The following PROCR variants were observed in gnomAD, a reference collection of about 807,000 sequenced individuals.
PROCR encodes the protein endothelial protein C receptor.
PROCR carries 22 observed loss-of-function variants against 24.2 expected under a neutral mutation model. The ratio of observed to expected loss-of-function variants is 0.91; its 90% CI spans 0.65 to 1.30. The LOEUF (loss-of-function observed/expected upper bound fraction) is 1.30, where lower values mean the gene tolerates loss of function less well. PROCR is among the 50% of genes most tolerant of loss of function. PROCR has a pLI of 0.00. For missense variants in PROCR, 288 were observed against 307.7 expected (o/e 0.94, Z 0.48); for synonymous variants, 137 against 139.2 (o/e 0.98, Z 0.11).
At chr20:35,176,481 G>A in intron 3 of PROCR, 35 bp downstream of exon 3, 1 of 1,610,178 alleles carries the variant, frequency 6.2e-7, no homozygotes, top group Non-Finnish European at 8.5e-7. Flanking sequence ...TGCAAGCTGG[G>A]GAGAGGGCGG....
chr20:35,189,343 T>G (rs562314208), intron 1 of PROCR, among the ~76,000 whole-genome samples: 1 of 152,336 alleles, frequency 6.6e-6, no homozygotes, highest in South Asian at 2.1e-4. Context: ...AAACACACCC[T>G]GGTCTCCTGC....
chr20:35,204,397 CTT>C (rs2060330221), intron 1 of PROCR, among the ~76,000 whole-genome samples: 1 of 136,892 alleles, frequency 7.3e-6, no homozygotes, highest in African/African-American at 2.7e-5. Context: ...TCCTTCCTTC[CTT>C]CTCTCTTTTC....
chr20:35,180,829 A>G (rs1406239389), downstream of PROCR, among the ~76,000 whole-genome samples: 1 of 151,814 alleles, frequency 6.6e-6, no homozygotes, highest in Non-Finnish European at 1.5e-5. Context: ...TTGTGTCATT[A>G]TTCCGTTTTT....
intron 1 of PROCR, among the ~76,000 whole-genome samples, chr20:35,186,803 A>G (rs2086131569): frequency 6.6e-6 from 1 of 151,418 alleles, no homozygotes; most frequent in Admixed American, 6.6e-5. Flanking sequence ...AAGTACAAAA[A>G]AGAGCTGGGC....
At chr20:35,200,839 G>A (rs879299568) in intron 1 of PROCR, among the ~76,000 whole-genome samples, 1 of 151,986 alleles carries the variant, frequency 6.6e-6, no homozygotes, top group Non-Finnish European at 1.5e-5. Context: ...GTAGAGACGG[G>A]GTTTCACCAT....
intron 1 of PROCR, among the ~76,000 whole-genome samples, chr20:35,191,352 T>C (rs1044492655): frequency 1.3e-5 from 2 of 152,238 alleles, no homozygotes; most frequent in Non-Finnish European, 2.9e-5. Context: ...GAGTGACTTC[T>C]ATGGTTCAGA....
chr20:35,207,536 T>TGTTTTGTTTC (rs2060347086), intron 1 of PROCR, among the ~76,000 whole-genome samples: 1 of 151,930 alleles, frequency 6.6e-6, no homozygotes, highest in Non-Finnish European at 1.5e-5. Flanking sequence ...TGTTTTGTTT[T>TGTTTTGTTTC]GTTTTTTTCT....
At chr20:35,186,422 C>T (rs906038255) in intron 1 of PROCR, among the ~76,000 whole-genome samples, 1 of 151,456 alleles carries the variant, frequency 6.6e-6, no homozygotes, top group African/African-American at 2.4e-5. Flanking sequence ...GAAAATTAGC[C>T]GGGCATGGTA....
intron 1 of PROCR, among the ~76,000 whole-genome samples, chr20:35,182,538 T>A (rs1399719252): frequency 6.6e-6 from 1 of 152,238 alleles, no homozygotes; most frequent in East Asian, 1.9e-4. Flanking sequence ...AGGCTTTATG[T>A]TATGTACTTT....
chr20:35,207,750 G>C (rs1476086462), intron 1 of PROCR, among the ~76,000 whole-genome samples: 2 of 151,934 alleles, frequency 1.3e-5, no homozygotes, highest in African/African-American at 4.8e-5. Context: ...GGCTGGTCTC[G>C]AACTCCTGAC....
chr20:35,211,294 A>T (rs866675797), intron 1 of PROCR, among the ~76,000 whole-genome samples: 8 of 152,270 alleles, frequency 5.3e-5, no homozygotes, highest in African/African-American at 1.9e-4. Flanking sequence ...GGCCCTAATG[A>T]GATTGCACCT....
intron 1 of PROCR, among the ~76,000 whole-genome samples, chr20:35,197,810 AG>A (rs1430311047): frequency 1.4e-5 from 2 of 143,732 alleles, no homozygotes; most frequent in African/African-American, 5.1e-5. Context: ...GGACAGAGCA[AG>A]ACTCCGTCTC....
At chr20:35,200,059 T>C (rs973032499) in intron 1 of PROCR, among the ~76,000 whole-genome samples, 4 of 152,244 alleles carry the variant, frequency 2.6e-5, no homozygotes, top group Admixed American at 2.6e-4. Flanking sequence ...CTGAATTCTG[T>C]AATCTCATGA....
intron 1 of PROCR, among the ~76,000 whole-genome samples, chr20:35,194,454 G>A (rs145588844): frequency 2.4e-4 from 36 of 152,224 alleles, no homozygotes; most frequent in Middle Eastern, 6.8e-3. Context: ...AAAAGAGAGG[G>A]CAGTGGCTGG....
intron 1 of PROCR, among the ~76,000 whole-genome samples, chr20:35,187,443 G>A (rs2086138076): frequency 6.6e-6 from 1 of 152,212 alleles, no homozygotes; most frequent in Admixed American, 6.5e-5. Flanking sequence ...TGTGGTACAA[G>A]AACTGGCACT....
downstream of PROCR, among the ~76,000 whole-genome samples, chr20:35,180,684 C>G (rs1034213800): frequency 1.3e-5 from 2 of 152,112 alleles, no homozygotes; most frequent in East Asian, 3.9e-4. Flanking sequence ...GTGTGTGTGT[C>G]TCTCTCTCTT....
chr20:35,203,107 T>C (rs1204813308), intron 1 of PROCR: 2 of 152,112 alleles, frequency 1.3e-5, no homozygotes, highest in African/African-American at 2.4e-5. Flanking sequence ...TGAAACCCCA[T>C]CTCCACTAAA....
chr20:35,192,370 T>C (rs932768620), intron 1 of PROCR, among the ~76,000 whole-genome samples: 7 of 152,214 alleles, frequency 4.6e-5, no homozygotes, highest in African/African-American at 1.4e-4. Flanking sequence ...GTGGGGCAGC[T>C]GGCCAAGTTA....
chr20:35,191,285 A>C (rs953052668), intron 1 of PROCR, among the ~76,000 whole-genome samples: 1 of 152,130 alleles, frequency 6.6e-6, no homozygotes, highest in Non-Finnish European at 1.5e-5. Flanking sequence ...GCATTTATTT[A>C]AAAAAATTTA....
Sources: gnomAD v4.1 joint callset for allele counts (sites outside exome capture counted in the v4.1 genomes callset) on GRCh38, gnomAD v4.1.1 for gene constraint, MANE v1.5 for transcripts, NCBI Gene and HGNC (gene_info 2026-07-23, HGNC 2026-07-21) for gene names.